The following SEMA5A variants were observed in gnomAD, a reference collection of about 807,000 sequenced individuals.
The protein encoded by SEMA5A is semaphorin-5A.
SEMA5A carries 55 observed loss-of-function variants against 135.5 expected under a neutral mutation model. The ratio of observed to expected loss-of-function variants is 0.41; its 90% CI spans 0.33 to 0.51. The LOEUF (loss-of-function observed/expected upper bound fraction) is 0.51. SEMA5A is among the 20% of genes least tolerant of loss of function. The pLI is 0.37. For missense variants in SEMA5A, 1,290 were observed against 1,419.9 expected (o/e 0.91, Z 1.47); for synonymous variants, 580 against 546.5 (o/e 1.06, Z -0.85).
intron 4 of SEMA5A, among the ~76,000 whole-genome samples, chr5:9,326,282 G>A (rs543475394): frequency 5.3e-5 from 8 of 152,250 alleles, no homozygotes; most frequent in East Asian, 3.9e-4. Flanking sequence ...ATGGAGTCTC[G>A]CTCTGTTGCC....
intron 4 of SEMA5A, 112 bp downstream of exon 4, chr5:9,337,597 TAAGA>T (rs1383141417): frequency 1.6e-6 from 1 of 641,208 alleles, no homozygotes; most frequent in Non-Finnish European, 2.7e-6. Flanking sequence ...TTCATTCTTA[TAAGA>T]AATAATATTA....
intron 6 of SEMA5A, among the ~76,000 whole-genome samples, chr5:9,228,769 T>C (rs993954578): frequency 6.6e-6 from 1 of 152,210 alleles, no homozygotes; most frequent in African/African-American, 2.4e-5. Context: ...GCACGAGGCA[T>C]GAAAGATGCT....
chr5:9,164,149 AAT>A (rs1428460766), intron 11 of SEMA5A, among the ~76,000 whole-genome samples: 2 of 132,714 alleles, frequency 1.5e-5, no homozygotes. Flanking sequence ...TATAATTATA[AAT>A]ATATCATATA....
intron 1 of SEMA5A, among the ~76,000 whole-genome samples, chr5:9,499,143 A>G (rs1735456664): frequency 6.6e-6 from 1 of 152,216 alleles, no homozygotes; most frequent in African/African-American, 2.4e-5. Context: ...ATGAGAGAAG[A>G]GAGTCCTGAA....
At chr5:9,444,348 C>A (rs545979957) in intron 1 of SEMA5A, among the ~76,000 whole-genome samples, 6 of 152,120 alleles carry the variant, frequency 3.9e-5, no homozygotes, top group African/African-American at 1.2e-4. Context: ...CGCTTTCCAC[C>A]CTTTCCCCTG....
At chr5:9,112,103 C>A (rs1419168141) in intron 15 of SEMA5A, among the ~76,000 whole-genome samples, 1 of 152,194 alleles carries the variant, frequency 6.6e-6, no homozygotes, top group Non-Finnish European at 1.5e-5. Flanking sequence ...TGTGTTAAAG[C>A]ATTGCAAGTC....
At chr5:9,265,805 C>G (rs1749655440) in intron 5 of SEMA5A, among the ~76,000 whole-genome samples, 1 of 152,320 alleles carries the variant, frequency 6.6e-6, no homozygotes, top group East Asian at 1.9e-4. Flanking sequence ...ATTCAGCAAG[C>G]CCTGGCTGGC....
At chr5:9,479,664 A>G (rs1362655233) in intron 1 of SEMA5A, among the ~76,000 whole-genome samples, 2 of 152,244 alleles carry the variant, frequency 1.3e-5, no homozygotes, top group Non-Finnish European at 1.5e-5. Context: ...GGTAAGGAAT[A>G]AAATCTTCTT....
At chr5:9,379,504 T>C (rs1200908127) in intron 3 of SEMA5A, among the ~76,000 whole-genome samples, 2 of 152,226 alleles carry the variant, frequency 1.3e-5, no homozygotes, top group African/African-American at 4.8e-5. Flanking sequence ...TTTGTTGTTA[T>C]TTTTATGGTC....
rs139655469 is a variant in SEMA5A, at chr5:9,310,991, A to G, written c.270+7381T>C. Among the ~76,000 whole-genome samples, 31 of 152,104 alleles carry G rather than the reference A, an allele frequency of 2.0e-4. No homozygotes were observed. In the East Asian group the frequency reaches 5.2e-3, roughly 26 times the overall value. On this transcript the variant is annotated intron_variant, in intron 5 of 22. Transcript: ENST00000382496. Reference sequence around the variant, plus strand: ...CTAAACCGAAAAATTCCCTAAGCACATCAAAGATCTTATATGTTCAATCAA... The same window carrying G: ...CTAAACCGAAAAATTCCCTAAGCACGTCAAAGATCTTATATGTTCAATCAA...
chr5:9,463,551 G>A (rs999446493), intron 1 of SEMA5A, among the ~76,000 whole-genome samples: 3 of 151,970 alleles, frequency 2.0e-5, no homozygotes, highest in Non-Finnish European at 4.4e-5. Context: ...TAGAAATAAA[G>A]AAGCCAAAAT....
At chr5:9,468,932 G>A (rs1375597867) in intron 1 of SEMA5A, among the ~76,000 whole-genome samples, 1 of 152,208 alleles carries the variant, frequency 6.6e-6, no homozygotes, top group Non-Finnish European at 1.5e-5. Context: ...TATGTTGTAA[G>A]AGGTTCATTT....
chr5:9,488,266 A>AATTGGTCTAG (rs1162669763), intron 1 of SEMA5A, among the ~76,000 whole-genome samples: 1 of 152,092 alleles, frequency 6.6e-6, no homozygotes, highest in Admixed American at 6.6e-5. Flanking sequence ...GGACATGTAA[A>AATTGGTCTAG]ATTGGTCTAG....
At chr5:9,260,974 T>C (rs1356983790) in intron 5 of SEMA5A, among the ~76,000 whole-genome samples, 1 of 77,592 alleles carries the variant, frequency 1.3e-5, no homozygotes, top group African/African-American at 4.5e-5. Context: ...GCAGACGACA[T>C]GATTGTTTAT....
intron 3 of SEMA5A, among the ~76,000 whole-genome samples, chr5:9,367,686 T>G (rs893083747): frequency 2.0e-5 from 3 of 152,210 alleles, no homozygotes; most frequent in Admixed American, 6.5e-5. Context: ...AAAACTTTAC[T>G]GATAAAACAG....
chr5:9,461,425 C>T (rs960633696), intron 1 of SEMA5A, among the ~76,000 whole-genome samples: 16 of 152,316 alleles, frequency 1.1e-4, no homozygotes, highest in Admixed American at 9.8e-4. Flanking sequence ...CCTCAGCTTG[C>T]CCCTGTTATT....
At chr5:9,178,202 CTCA>C (rs1308593138) in intron 11 of SEMA5A, among the ~76,000 whole-genome samples, 2 of 152,158 alleles carry the variant, frequency 1.3e-5, no homozygotes, top group African/African-American at 2.4e-5. Context: ...TAAAAATATT[CTCA>C]TCAGAATATG....
chr5:9,193,519 G>A (rs1745225050), intron 10 of SEMA5A, among the ~76,000 whole-genome samples: 1 of 152,146 alleles, frequency 6.6e-6, no homozygotes, highest in Non-Finnish European at 1.5e-5. Context: ...GTGCATGGTG[G>A]TCAAGCCCAC....
At chr5:9,472,586 G>A (rs1268674867) in intron 1 of SEMA5A, among the ~76,000 whole-genome samples, 3 of 152,098 alleles carry the variant, frequency 2.0e-5, no homozygotes, top group Non-Finnish European at 2.9e-5. Flanking sequence ...AGGAGGCTTG[G>A]GGGTTGGGAG....
Sources: gnomAD v4.1 joint callset for allele counts (sites outside exome capture counted in the v4.1 genomes callset) on GRCh38, gnomAD v4.1.1 for gene constraint, MANE v1.5 for transcripts, NCBI Gene and HGNC (gene_info 2026-07-23, HGNC 2026-07-21) for gene names.